The following PLCH1 variants were observed in gnomAD, a reference collection of about 807,000 sequenced individuals.
PLCH1 encodes the protein 1-phosphatidylinositol 4,5-bisphosphate phosphodiesterase eta-1.
A neutral mutation model predicts 126.7 loss-of-function variants in PLCH1; 60 were observed. The observed-to-expected ratio is 0.47, with a 90% confidence interval of 0.38 to 0.59. The LOEUF is 0.59. PLCH1 is among the 20% of genes least tolerant of loss of function. The pLI is 0.00. For synonymous variants in PLCH1, 719 were observed against 734.9 expected (o/e 0.98, Z 0.35); for missense variants, 1,723 against 2,040.0 (o/e 0.84, Z 2.99).
chr3:155,479,518 A>C (rs1183409513), downstream of PLCH1, among the ~76,000 whole-genome samples: 1 of 152,032 alleles, frequency 6.6e-6, no homozygotes, highest in African/African-American at 2.4e-5. Flanking sequence ...CTTGCCAAAC[A>C]TAACCTCTCA....
intron 2 of PLCH1, among the ~76,000 whole-genome samples, chr3:155,618,648 ATCT>A (rs1736084348): frequency 6.6e-6 from 1 of 151,940 alleles, no homozygotes; most frequent in Admixed American, 6.6e-5. Context: ...ATGGTATCTG[ATCT>A]TCTTTTTATT....
downstream of PLCH1, among the ~76,000 whole-genome samples, chr3:155,475,246 T>G (rs1713487386): frequency 1.3e-5 from 2 of 151,828 alleles, no homozygotes; most frequent in Admixed American, 1.3e-4. Flanking sequence ...AGAAGAAAAT[T>G]TTAAAATTTC....
intron 10 of PLCH1, among the ~76,000 whole-genome samples, chr3:155,549,188 T>C (rs914249638): frequency 6.6e-6 from 1 of 152,128 alleles, no homozygotes; most frequent in Non-Finnish European, 1.5e-5. Flanking sequence ...ATGAATAATA[T>C]TTATTGTAGT....
At chr3:155,731,306 A>G (rs1331269375) in intron 1 of PLCH1, among the ~76,000 whole-genome samples, 1 of 152,206 alleles carries the variant, frequency 6.6e-6, no homozygotes, top group Non-Finnish European at 1.5e-5. Flanking sequence ...GGCCTATTCC[A>G]GTGACAGGTC....
chr3:155,600,602 T>TAAA (rs5853725), intron 2 of PLCH1, among the ~76,000 whole-genome samples: 2,289 of 128,194 alleles, frequency 0.018, 64 homozygotes, highest in African/African-American at 0.071. Flanking sequence ...TTAAGATAGC[T>TAAA]AAAAAAAAAA....
chr3:155,558,394 C>T (rs914299193), intron 8 of PLCH1, among the ~76,000 whole-genome samples: 2 of 152,320 alleles, frequency 1.3e-5, no homozygotes, highest in African/African-American at 4.8e-5. Context: ...ACTAGGTATA[C>T]AGCAGTACCC....
chr3:155,561,943 G>A (rs779745620), intron 8 of PLCH1, among the ~76,000 whole-genome samples: 22 of 152,036 alleles, frequency 1.4e-4, no homozygotes, highest in Non-Finnish European at 2.6e-4. Flanking sequence ...CACCATGCCC[G>A]GATAATTCTT....
chr3:155,476,098 A>C (rs1713534069), downstream of PLCH1, among the ~76,000 whole-genome samples: 1 of 152,196 alleles, frequency 6.6e-6, no homozygotes, highest in Non-Finnish European at 1.5e-5. Context: ...AATACATTAG[A>C]AAGATCATTC....
chr3:155,494,610 A>T, intron 15 of PLCH1, 93 bp from the exon 16 acceptor site: 1 of 1,017,002 alleles, frequency 9.8e-7, no homozygotes, highest in African/African-American at 1.6e-5. Flanking sequence ...AGATTATACC[A>T]ATAGCAAAAA....
chr3:155,487,889 C>G lies in PLCH1; in HGVS notation c.2619+139G>C, dbSNP rs192199209. On this transcript the variant is annotated intron_variant, in intron 21 of 22. Transcript: ENST00000460012. ...ATCAGGACATGACTGGAATAGCAGA[C>G]TGGGCTTGCTGGGCCTCCTTAGAGT... is the stretch of plus-strand genomic sequence containing the variant. 4.8e-4 allele frequency: 294 copies of G among 606,688 alleles called. 2 individuals are homozygous for G. The African/African-American group carries it at 5.0e-3, about 10-fold the overall frequency. 37.6% of individuals were successfully genotyped at this position (606,688 alleles called of 1,614,324 possible).
intron 21 of PLCH1, among the ~76,000 whole-genome samples, chr3:155,461,828 C>G (rs889990630): frequency 3.3e-5 from 5 of 152,196 alleles, no homozygotes; most frequent in Admixed American, 3.3e-4. Flanking sequence ...AGCCAGCCCC[C>G]TCCTTTGGTC....
intron 21 of PLCH1, among the ~76,000 whole-genome samples, chr3:155,456,335 T>TAAAAAAAAAAAAAA (rs10626251): frequency 7.3e-6 from 1 of 136,070 alleles, no homozygotes; most frequent in African/African-American, 2.7e-5. Flanking sequence ...GCTAATGAGC[T>TAAAAAAAAAAAAAA]AAAAAAAAAA....
chr3:155,530,844 T>C (rs1722578148), intron 10 of PLCH1, among the ~76,000 whole-genome samples: 1 of 152,252 alleles, frequency 6.6e-6, no homozygotes, highest in Non-Finnish European at 1.5e-5. Flanking sequence ...GCTTACAAAG[T>C]ATATTTCTTA....
chr3:155,454,154 A>T (rs1712380448), intron 21 of PLCH1, among the ~76,000 whole-genome samples: 1 of 152,170 alleles, frequency 6.6e-6, no homozygotes, highest in African/African-American at 2.4e-5. Context: ...TCTTCATGTT[A>T]TTGAGCAAAT....
chr3:155,551,313 C>T (rs994264017), intron 9 of PLCH1, among the ~76,000 whole-genome samples: 1 of 151,758 alleles, frequency 6.6e-6, no homozygotes, highest in African/African-American at 2.4e-5. Context: ...GGCATTGTGG[C>T]ACGTGCCGGT....
intron 11 of PLCH1, among the ~76,000 whole-genome samples, chr3:155,515,268 C>T (rs1273118107): frequency 6.6e-6 from 1 of 152,194 alleles, no homozygotes; most frequent in African/African-American, 2.4e-5. Flanking sequence ...CTCCAAAGCC[C>T]TTCCCCCTAT....
At chr3:155,722,275 T>A (rs1304864401) in intron 1 of PLCH1, among the ~76,000 whole-genome samples, 1 of 152,062 alleles carries the variant, frequency 6.6e-6, no homozygotes, top group South Asian at 2.1e-4. Flanking sequence ...GCAATTCTCC[T>A]GCTTTAGCCT....
intron 2 of PLCH1, among the ~76,000 whole-genome samples, chr3:155,697,451 C>T (rs1406001257): frequency 1.3e-5 from 2 of 152,100 alleles, no homozygotes; most frequent in Admixed American, 6.6e-5. Flanking sequence ...AGGAGTGAAA[C>T]TGGAGGAAAC....
rs1723547874 is a variant in PLCH1, at chr3:155,537,224, A to AAAAAAAAAAAAAAAC, written c.1362+12562_1362+12563insGTTTTTTTTTTTTTT. ...AACCAAAAAAAAAAAAAAAAAAAAA[A>AAAAAAAAAAAAAAAC]AAAAAAAAACCTAAAAGGAGTGCTA... On this transcript the variant is annotated intron_variant, in intron 10 of 22. Coordinates refer to ENST00000460012, the MANE Select transcript of PLCH1 (RefSeq NM_014996.4). 2.0e-4 allele frequency among the ~76,000 whole-genome samples: 2 copies of AAAAAAAAAAAAAAAC among 10,166 alleles called. 1 individual carries two copies. Among genetic ancestry groups the AAAAAAAAAAAAAAAC allele is most frequent in the African/African-American group, 3.0e-4 (2 of 6,574 alleles). 6.7% of individuals were successfully genotyped at this position (10,166 alleles called of 152,430 possible).
Sources: gnomAD v4.1 joint callset for allele counts (sites outside exome capture counted in the v4.1 genomes callset) on GRCh38, gnomAD v4.1.1 for gene constraint, MANE v1.5 for transcripts, NCBI Gene and HGNC (gene_info 2026-07-23, HGNC 2026-07-21) for gene names.